The following SUGCT variants were observed in gnomAD, a reference collection of about 807,000 sequenced individuals.
SUGCT encodes the protein succinyl-CoA:glutarate CoA-transferase.
In SUGCT, 41 loss-of-function variants were observed where a neutral mutation model predicts 55.0. That is an observed-to-expected ratio of 0.74 (90% CI 0.58 to 0.97). The LOEUF (loss-of-function observed/expected upper bound fraction) is 0.97. Ranked by LOEUF, SUGCT falls within the 50% of genes least tolerant of loss-of-function variation. The pLI is 0.00. For synonymous variants in SUGCT, 187 were observed against 200.4 expected (o/e 0.93, Z 0.56); for missense variants, 568 against 547.8 (o/e 1.04, Z -0.37).
chr7:40,247,925 C>T lies in SUGCT; in HGVS notation c.576+10199C>T, dbSNP rs189379841. Among the ~76,000 whole-genome samples the T allele has an allele frequency of 1.6e-3, 240 of 151,524 alleles. 2 individuals carry two copies. Among genetic ancestry groups the T allele is most frequent in the Admixed American group, 3.0e-3 (45 of 15,220 alleles). On this transcript the variant is annotated intron_variant, in intron 7 of 13. Coordinates refer to ENST00000335693, the MANE Select transcript of SUGCT (RefSeq NM_001193313.2). ...TCTTTATGGTTAATGTGTTTTATGT[C>T]CTCTTTAAGAAATCTTTGCTTACCC...
intron 12 of SUGCT, among the ~76,000 whole-genome samples, chr7:40,738,944 A>G (rs1787318925): frequency 6.6e-6 from 1 of 152,174 alleles, no homozygotes; most frequent in Non-Finnish European, 1.5e-5. Flanking sequence ...CTAAAACTCT[A>G]TTCATCAATA....
intron 13 of SUGCT, among the ~76,000 whole-genome samples, chr7:40,816,824 C>A (rs1477363328): frequency 1.3e-5 from 2 of 152,140 alleles, no homozygotes; most frequent in Non-Finnish European, 2.9e-5. Context: ...TGAACAGAAT[C>A]TTAATAGGTG....
intron 12 of SUGCT, among the ~76,000 whole-genome samples, chr7:40,633,251 C>A (rs139360137): frequency 3.3e-5 from 5 of 152,248 alleles, no homozygotes; most frequent in South Asian, 2.1e-4. Flanking sequence ...TAAATAATAT[C>A]GAAACCAAAA....
At chr7:40,849,110 A>G (rs1312483738) in intron 13 of SUGCT, among the ~76,000 whole-genome samples, 1 of 152,210 alleles carries the variant, frequency 6.6e-6, no homozygotes, top group East Asian at 1.9e-4. Flanking sequence ...TATCTTAGCA[A>G]TGAGCCAAAG....
At chr7:40,838,241 T>C (rs1008868755) in intron 13 of SUGCT, among the ~76,000 whole-genome samples, 1 of 152,234 alleles carries the variant, frequency 6.6e-6, no homozygotes, top group African/African-American at 2.4e-5. Flanking sequence ...ACAAATCCTA[T>C]GTCTTTTCAG....
chr7:40,922,666 A>C, the SUGCT span, among the ~76,000 whole-genome samples: 1 of 152,238 alleles, frequency 6.6e-6, no homozygotes, highest in African/African-American at 2.4e-5. Context: ...AAATAGAGCA[A>C]AATTCAAGGA....
chr7:40,571,569 C>T (rs1796451211), intron 12 of SUGCT, among the ~76,000 whole-genome samples: 1 of 152,188 alleles, frequency 6.6e-6, no homozygotes, highest in Non-Finnish European at 1.5e-5. Flanking sequence ...GCTGTTGCTT[C>T]TGTTTTCATG....
chr7:40,716,435 C>T (rs566310720), intron 12 of SUGCT, among the ~76,000 whole-genome samples: 4 of 152,316 alleles, frequency 2.6e-5, no homozygotes, highest in African/African-American at 9.6e-5. Flanking sequence ...AACTTTAACT[C>T]ATTCCAAAGT....
intron 12 of SUGCT, among the ~76,000 whole-genome samples, chr7:40,635,918 A>G (rs1414192671): frequency 6.6e-6 from 1 of 152,310 alleles, no homozygotes; most frequent in East Asian, 1.9e-4. Flanking sequence ...TAAATATTCC[A>G]CAGCCATATT....
chr7:41,001,175 G>A, the SUGCT span, among the ~76,000 whole-genome samples: 1 of 152,242 alleles, frequency 6.6e-6, no homozygotes, highest in East Asian at 1.9e-4. Flanking sequence ...AGTTAAAGAT[G>A]CTGATAGAGG....
At chr7:40,366,970 G>A (rs1399375984) in intron 9 of SUGCT, among the ~76,000 whole-genome samples, 2 of 152,176 alleles carry the variant, frequency 1.3e-5, no homozygotes, top group Non-Finnish European at 2.9e-5. Flanking sequence ...GCACACGTAT[G>A]TTTATTGCGG....
intron 7 of SUGCT, among the ~76,000 whole-genome samples, chr7:40,273,641 A>G (rs546916070): frequency 3.3e-5 from 5 of 152,290 alleles, no homozygotes; most frequent in African/African-American, 1.2e-4. Flanking sequence ...ATGTTAATCA[A>G]TATTAAGCTT....
chr7:40,906,111 A>G, the SUGCT span, among the ~76,000 whole-genome samples: 1 of 151,198 alleles, frequency 6.6e-6, no homozygotes, highest in Non-Finnish European at 1.5e-5. Context: ...CCATTTCCAG[A>G]GCTGTTTTTT....
the SUGCT span, among the ~76,000 whole-genome samples, chr7:40,891,406 GCA>G: frequency 6.6e-6 from 1 of 152,154 alleles, no homozygotes; most frequent in South Asian, 2.1e-4. Flanking sequence ...TATCAAAGCA[GCA>G]CAAGAGAAGC....
chr7:40,153,427 T>G, intron 1 of SUGCT: 1 of 373,216 alleles, frequency 2.7e-6, no homozygotes, highest in South Asian at 2.4e-5. Flanking sequence ...GTTGCGATTC[T>G]TTTGAATATC....
At chr7:40,595,367 T>C (rs1797951010) in intron 12 of SUGCT, among the ~76,000 whole-genome samples, 1 of 152,192 alleles carries the variant, frequency 6.6e-6, no homozygotes, top group Non-Finnish European at 1.5e-5. Context: ...TTTGTTGTAA[T>C]ATATCATGAT....
At position 40,224,823 on chromosome 7, in the gene SUGCT, C is replaced by T. The variant is rs557231751; in HGVS notation, c.485-12812C>T. Reference sequence around the variant, plus strand: ...TTTCATCTGTATGGATGTTGATGTTCCAAGTAGGGAGGAATTGTGACTCTG... The same window carrying T: ...TTTCATCTGTATGGATGTTGATGTTTCAAGTAGGGAGGAATTGTGACTCTG... On this transcript the variant is annotated intron_variant, in intron 6 of 13. Transcript: ENST00000335693. Among the ~76,000 whole-genome samples the T allele has an allele frequency of 5.9e-5, 9 of 152,248 alleles. No homozygotes were observed. In the South Asian group the frequency reaches 1.7e-3, roughly 28 times the overall value.
chr7:41,019,064 C>T, the SUGCT span, among the ~76,000 whole-genome samples: 24 of 152,142 alleles, frequency 1.6e-4, no homozygotes, highest in African/African-American at 5.5e-4. Flanking sequence ...TGCCACCATG[C>T]CCAGCTAATT....
chr7:40,742,928 T>C (rs981772301), intron 12 of SUGCT, among the ~76,000 whole-genome samples: 3 of 152,208 alleles, frequency 2.0e-5, no homozygotes, highest in African/African-American at 4.8e-5. Context: ...ATTACTCCAG[T>C]GTTTTTTGCT....
Sources: gnomAD v4.1 joint callset for allele counts (sites outside exome capture counted in the v4.1 genomes callset) on GRCh38, gnomAD v4.1.1 for gene constraint, MANE v1.5 for transcripts, NCBI Gene and HGNC (gene_info 2026-07-23, HGNC 2026-07-21) for gene names.